The following ZRANB3 variants were observed in gnomAD, a reference collection of about 807,000 sequenced individuals.
The protein encoded by ZRANB3 is DNA annealing helicase and endonuclease ZRANB3.
ZRANB3 carries 125 observed loss-of-function variants against 133.8 expected under a neutral mutation model. The observed-to-expected ratio is 0.93, with a 90% confidence interval of 0.81 to 1.08. The LOEUF is 1.08. Ranked by LOEUF, ZRANB3 falls within the 50% of genes least tolerant of loss-of-function variation. ZRANB3 has a pLI of 0.00. For missense variants in ZRANB3, 1,229 were observed against 1,275.5 expected, an observed-to-expected ratio of 0.96 and a Z score of 0.56; for synonymous variants, 387 against 432.7, an observed-to-expected ratio of 0.89 and a Z score of 1.31.
intron 2 of ZRANB3, among the ~76,000 whole-genome samples, chr2:135,487,697 C>G (rs1175178726): frequency 6.6e-6 from 1 of 152,158 alleles, no homozygotes; most frequent in East Asian, 1.9e-4. Context: ...CTGCAGGTTT[C>G]TCACCTCTCA....
chr2:135,237,256 A>G (rs941819756), intron 12 of ZRANB3, among the ~76,000 whole-genome samples: 5 of 149,826 alleles, frequency 3.3e-5, no homozygotes, highest in African/African-American at 1.2e-4. Context: ...ATCTCACACC[A>G]GTTAGAATGG....
intron 2 of ZRANB3, among the ~76,000 whole-genome samples, chr2:135,496,483 C>A (rs1216092059): frequency 7.0e-6 from 1 of 141,864 alleles, no homozygotes; most frequent in Non-Finnish European, 1.6e-5. Context: ...GGGAAATAAA[C>A]CATCACATAA....
chr2:135,406,681 G>A (rs186289314), intron 2 of ZRANB3, among the ~76,000 whole-genome samples: 5,065 of 152,130 alleles, frequency 0.033, 111 homozygotes, highest in Middle Eastern at 0.12. Flanking sequence ...GAAAATCAAT[G>A]AATGTAATCC....
intron 8 of ZRANB3, among the ~76,000 whole-genome samples, chr2:135,289,692 C>T (rs1681587224): frequency 1.3e-5 from 2 of 152,150 alleles, no homozygotes; most frequent in African/African-American, 4.8e-5. Context: ...CACTTGAGGA[C>T]CAAAGTTCAA....
chr2:135,431,009 T>G (rs1689295922), intron 2 of ZRANB3, among the ~76,000 whole-genome samples: 1 of 151,862 alleles, frequency 6.6e-6, no homozygotes, highest in African/African-American at 2.4e-5. Flanking sequence ...AATCAACGGC[T>G]CATGCCTATA....
chr2:135,417,288 A>C (rs1316053768), intron 2 of ZRANB3, among the ~76,000 whole-genome samples: 2 of 152,116 alleles, frequency 1.3e-5, no homozygotes, highest in Admixed American at 6.5e-5. Flanking sequence ...ACCCCATCAA[A>C]AAGTGGGCAA....
intron 8 of ZRANB3, among the ~76,000 whole-genome samples, chr2:135,289,760 G>A (rs1220057121): frequency 1.3e-5 from 2 of 152,108 alleles, no homozygotes; most frequent in Non-Finnish European, 1.5e-5. Context: ...AAAATTAGCT[G>A]GGAGTGGTGG....
At chr2:135,446,415 G>C (rs987292971) in intron 2 of ZRANB3, among the ~76,000 whole-genome samples, 3 of 152,090 alleles carry the variant, frequency 2.0e-5, no homozygotes, top group African/African-American at 7.2e-5. Context: ...TGCAGGAGGA[G>C]GTGTTAGAAA....
At chr2:135,255,595 T>C (rs1679613510) in intron 12 of ZRANB3, among the ~76,000 whole-genome samples, 1 of 152,124 alleles carries the variant, frequency 6.6e-6, no homozygotes, top group Admixed American at 6.5e-5. Flanking sequence ...ACGCCTGTAA[T>C]CCCAACAGTT....
chr2:135,506,037 G>C (rs1693168800), intron 1 of ZRANB3, among the ~76,000 whole-genome samples: 1 of 152,140 alleles, frequency 6.6e-6, no homozygotes. Context: ...TCCGAGGAAA[G>C]AGCATCACTG....
intron 2 of ZRANB3, among the ~76,000 whole-genome samples, chr2:135,443,374 G>T (rs1689872424): frequency 6.9e-6 from 1 of 143,910 alleles, no homozygotes; most frequent in Admixed American, 7.1e-5. Context: ...CACACAGTGG[G>T]GCCTGTCAGG....
At chr2:135,360,283 A>C (rs577850909) in intron 3 of ZRANB3, among the ~76,000 whole-genome samples, 4 of 152,294 alleles carry the variant, frequency 2.6e-5, no homozygotes, top group Admixed American at 1.3e-4. Flanking sequence ...CGGGAGGCTG[A>C]GGCAGGAGAA....
chr2:135,342,483 C>T (rs1684720430), intron 6 of ZRANB3, among the ~76,000 whole-genome samples: 1 of 149,758 alleles, frequency 6.7e-6, no homozygotes, highest in South Asian at 2.1e-4. Flanking sequence ...AAATGTTTAC[C>T]TCTTTTAATA....
intron 6 of ZRANB3, among the ~76,000 whole-genome samples, chr2:135,343,186 CAAAA>C (rs1176402987): frequency 3.7e-4 from 17 of 46,514 alleles, no homozygotes; most frequent in African/African-American, 1.4e-3. Context: ...ACTCTGTCTC[CAAAA>C]AAAAAAAAAA....
At chr2:135,445,576 G>A (rs1369554474) in intron 2 of ZRANB3, among the ~76,000 whole-genome samples, 2 of 152,078 alleles carry the variant, frequency 1.3e-5, no homozygotes, top group African/African-American at 4.8e-5. Context: ...AGGAGGCAAT[G>A]GTTGAAACTG....
intron 2 of ZRANB3, among the ~76,000 whole-genome samples, chr2:135,484,940 G>A (rs1428559157): frequency 6.6e-6 from 1 of 151,884 alleles, no homozygotes; most frequent in Non-Finnish European, 1.5e-5. Flanking sequence ...GGAGGTAGAG[G>A]TGGGAGGATC....
chr2:135,220,101 G>A (rs1323039974), intron 15 of ZRANB3, among the ~76,000 whole-genome samples: 1 of 151,764 alleles, frequency 6.6e-6, no homozygotes, highest in African/African-American at 2.4e-5. Flanking sequence ...TCAAAATCCT[G>A]GGCTCAAGTG....
At chr2:135,293,053 G>T (rs990706734) in intron 8 of ZRANB3, among the ~76,000 whole-genome samples, 7 of 151,950 alleles carry the variant, frequency 4.6e-5, no homozygotes, top group Non-Finnish European at 1.0e-4. Flanking sequence ...TGTTCTTTTG[G>T]CTTAGGATTG....
At chr2:135,427,070 T>G (rs920755528) in intron 2 of ZRANB3, among the ~76,000 whole-genome samples, 8 of 150,578 alleles carry the variant, frequency 5.3e-5, no homozygotes, top group African/African-American at 1.5e-4. Context: ...TACCTCAAAA[T>G]AATAAGAGCC....
Sources: allele counts gnomAD v4.1 joint callset (sites outside exome capture counted in the v4.1 genomes callset), GRCh38; gene constraint gnomAD v4.1.1; transcripts MANE v1.5; gene names NCBI Gene and HGNC (gene_info 2026-07-23, HGNC 2026-07-21).